ACSS3: variants seen among roughly 807,000 people sequenced by gnomAD.
ACSS3 encodes acyl-CoA synthetase short-chain family member 3, mitochondrial.
Under a neutral mutation model 84.2 loss-of-function variants are expected in ACSS3, and 64 were observed. The observed-to-expected ratio is 0.76, with a 90% CI of 0.62 to 0.94. The LOEUF is 0.94. ACSS3 is among the 40% of genes least tolerant of loss of function. The pLI, the probability that ACSS3 is intolerant of heterozygous loss-of-function variation, is 0.00. For synonymous variants in ACSS3, 317 were observed against 310.1 expected (o/e 1.02, Z -0.23); for missense variants, 815 against 867.6 (o/e 0.94, Z 0.76).
chr12:81,251,647 C>T (rs1401750753), intron 13 of ACSS3, among the ~76,000 whole-genome samples: 1 of 129,800 alleles, frequency 7.7e-6, no homozygotes, highest in African/African-American at 3.0e-5. Flanking sequence ...GCCTAGGGAA[C>T]ATGGCGAAAC....
intron 8 of ACSS3, among the ~76,000 whole-genome samples, chr12:81,193,272 CA>C (rs1474932355): frequency 6.6e-6 from 1 of 152,092 alleles, no homozygotes; most frequent in East Asian, 1.9e-4. Context: ...TCTGTTGGCA[CA>C]AGTGAAGAGT....
intron 7 of ACSS3, among the ~76,000 whole-genome samples, chr12:81,165,512 G>C (rs1227892141): frequency 6.6e-6 from 1 of 152,088 alleles, no homozygotes; most frequent in Non-Finnish European, 1.5e-5. Context: ...CAGGCGTGGT[G>C]GTGGGCACCT....
intron 2 of ACSS3, among the ~76,000 whole-genome samples, chr12:81,112,217 C>T (rs1883659194): frequency 6.6e-6 from 1 of 152,140 alleles, no homozygotes; most frequent in South Asian, 2.1e-4. Context: ...TGTTGCTGCA[C>T]TCTCATGAAA....
chr12:81,103,376 A>G (rs1397519547), intron 1 of ACSS3, among the ~76,000 whole-genome samples: 2 of 152,230 alleles, frequency 1.3e-5, no homozygotes, highest in East Asian at 3.8e-4. Flanking sequence ...ATTTAGAAGG[A>G]ACAGTAGAGA....
rs894924220 is a variant in ACSS3, at chr12:81,254,335, G to A, written c.1996-522G>A. Among the ~76,000 whole-genome samples, 9 of 152,204 alleles carry A rather than the reference G, an allele frequency of 5.9e-5. 1 individual carries two copies. In the South Asian group the frequency reaches 1.4e-3, roughly 25 times the overall value. On this transcript the variant is annotated intron_variant, in intron 15 of 15. Transcript: ENST00000548058. ...ATTTTCCTTATTATAGTAATTAATG[G>A]CAATTAGTGAATGAGAAAGCAAAAT...
intron 7 of ACSS3, among the ~76,000 whole-genome samples, chr12:81,167,312 C>T (rs151232168): frequency 4.7e-4 from 72 of 152,138 alleles, no homozygotes; most frequent in African/African-American, 1.4e-3. Context: ...TAGGAAAGGA[C>T]GAGAGAAGAA....
chr12:81,182,977 A>T (rs2135848509), intron 8 of ACSS3, among the ~76,000 whole-genome samples: 1 of 152,268 alleles, frequency 6.6e-6, no homozygotes, highest in East Asian at 1.9e-4. Context: ...ACACCTCCAG[A>T]ATTCTCTCCC....
chr12:81,247,716 A>T (rs1329871793), intron 13 of ACSS3, among the ~76,000 whole-genome samples: 1 of 152,102 alleles, frequency 6.6e-6, no homozygotes, highest in Admixed American at 6.5e-5. Context: ...CTGATACTTT[A>T]TACTGACTTT....
intron 5 of ACSS3, among the ~76,000 whole-genome samples, chr12:81,146,964 C>T (rs1244087475): frequency 1.3e-5 from 2 of 151,866 alleles, no homozygotes; most frequent in Admixed American, 6.6e-5. Flanking sequence ...GTAGATAAGG[C>T]CTTTTGTCCT....
At chr12:81,153,820 T>C (rs570564297) in intron 7 of ACSS3, among the ~76,000 whole-genome samples, 11 of 152,374 alleles carry the variant, frequency 7.2e-5, no homozygotes, top group Admixed American at 5.2e-4. Context: ...GGCCTCATCA[T>C]CACTTAAAGG....
intron 9 of ACSS3, 123 bp downstream of exon 9, chr12:81,199,567 A>C: frequency 1.4e-6 from 2 of 1,460,404 alleles, no homozygotes; most frequent in Non-Finnish European, 1.9e-6. Context: ...CGAGTGGTTC[A>C]GGTTTCAGTA....
Position 81,259,734 on chromosome 12 carries a change from G to GC in ACSS3, c.*4812_*4813insC. ...GGAAATCTCATTCTACTCCTCTGTG[G>GC]TGTACCTCCACGCAGCCTGCTTACT... On this transcript the variant is annotated 3_prime_UTR_variant, in exon 16 of 16. Transcript: ENST00000548058. The GC allele has an allele frequency of 7.4e-7, 1 of 1,351,772 alleles. No individual in the cohort carries two copies. Among genetic ancestry groups the GC allele is most frequent in the Non-Finnish European group, 1.0e-6 (1 of 983,192 alleles). The allele number at this position is 1,351,772 out of a possible 1,614,324, so 83.7% of individuals were successfully genotyped here.
chr12:81,122,884 G>A (rs1884751802), intron 2 of ACSS3, among the ~76,000 whole-genome samples: 1 of 152,142 alleles, frequency 6.6e-6, no homozygotes, highest in Admixed American at 6.6e-5. Context: ...CGTACAGAAA[G>A]TAATCAACTT....
Position 81,216,915 on chromosome 12 carries a change from A to T in ACSS3, c.1369A>T (p.Ile457Phe), listed in dbSNP as rs2032938200. ...TCTTTTTCCAGAGACTGGATCTCCA[A>T]TTACTGCGTCATGTGTTGGATTAGG... Reference protein sequence around the residue: ...HWWQTETGSPITASCVGLGNS... With the variant: ...HWWQTETGSPFTASCVGLGNS... The change falls in exon 10 of 16, where the codon ATT becomes TTT. Residue 457 changes from isoleucine to phenylalanine, a missense_variant. Transcript: ENST00000548058. The T allele has an allele frequency of 6.2e-7, 1 of 1,610,746 alleles. No individual in the cohort carries two copies. The highest frequency in any genetic ancestry group is 1.3e-5 in the African/African-American group (1 of 74,834).
At chr12:81,242,556 A>C (rs546649513) in intron 13 of ACSS3, among the ~76,000 whole-genome samples, 222 of 150,900 alleles carry the variant, frequency 1.5e-3, no homozygotes, top group Non-Finnish European at 1.3e-3. Context: ...ACACAACCAA[A>C]AAAGAGAATT....
At chr12:81,183,623 C>T in intron 8 of ACSS3, among the ~76,000 whole-genome samples, 1 of 151,962 alleles carries the variant, frequency 6.6e-6, no homozygotes, top group Non-Finnish European at 1.5e-5. Context: ...CATGTAAATG[C>T]CATCCATAAG....
At chr12:81,249,666 T>C (rs1350559020) in intron 13 of ACSS3, among the ~76,000 whole-genome samples, 1 of 151,986 alleles carries the variant, frequency 6.6e-6, no homozygotes, top group African/African-American at 2.4e-5. Context: ...AGTTGCAACA[T>C]TGCTGAATAG....
chr12:81,234,053 G>A (rs2033551899), intron 13 of ACSS3, among the ~76,000 whole-genome samples: 1 of 151,324 alleles, frequency 6.6e-6, no homozygotes, highest in Admixed American at 6.6e-5. Flanking sequence ...CCATCATAAT[G>A]TCACCTGTCT....
intron 10 of ACSS3, among the ~76,000 whole-genome samples, chr12:81,219,580 AC>A (rs2033034453): frequency 6.6e-6 from 1 of 152,140 alleles, no homozygotes; most frequent in African/African-American, 2.4e-5. Flanking sequence ...AGTGGATATT[AC>A]GCTTTAAATC....
Sources: allele counts gnomAD v4.1 joint callset (sites outside exome capture counted in the v4.1 genomes callset), GRCh38; gene constraint gnomAD v4.1.1; transcripts MANE v1.5; gene names NCBI Gene and HGNC (gene_info 2026-07-23, HGNC 2026-07-21).